RNF17: variants seen among roughly 807,000 people sequenced by gnomAD.
The protein encoded by RNF17 is ring finger protein 17.
A neutral mutation model predicts 200.5 loss-of-function variants in RNF17; 31 were observed. The observed-to-expected ratio is 0.15, with a 90% CI of 0.12 to 0.21. The LOEUF is 0.21. Among genes scored for constraint, RNF17 ranks in the 10% least tolerant of loss-of-function variants. The probability of loss-of-function intolerance (pLI) is 1.00; values close to 1 mark genes in which losing one functional copy is unlikely to be tolerated. For missense variants in RNF17, 1,628 were observed against 1,905.1 expected (o/e 0.85, Z 2.71); for synonymous variants, 606 against 637.8 (o/e 0.95, Z 0.75).
At chr13:24,830,980 G>T (rs988850159) in intron 17 of RNF17, among the ~76,000 whole-genome samples, 8 of 152,166 alleles carry the variant, frequency 5.3e-5, no homozygotes, top group Non-Finnish European at 1.2e-4. Flanking sequence ...AAACCTGGGA[G>T]AATATGTAAA....
chr13:24,885,453 G>A, the RNF17 span: 4 of 1,243,392 alleles, frequency 3.2e-6, no homozygotes, highest in Non-Finnish European at 3.6e-6. Flanking sequence ...TTCTGATATA[G>A]GGTTCTAGGA....
At chr13:24,855,507 A>T (rs1279601037) in intron 25 of RNF17, among the ~76,000 whole-genome samples, 1 of 152,110 alleles carries the variant, frequency 6.6e-6, no homozygotes, top group Admixed American at 6.5e-5. Context: ...ACGAACCTGT[A>T]ATCCCAGCTA....
intron 14 of RNF17, among the ~76,000 whole-genome samples, chr13:24,802,869 A>G (rs1193651629): frequency 1.3e-5 from 2 of 152,114 alleles, no homozygotes; most frequent in African/African-American, 4.8e-5. Flanking sequence ...TGGGCAACAT[A>G]GCTAGACCTC....
downstream of RNF17, chr13:24,883,349 T>C (rs1233891024): frequency 6.2e-7 from 1 of 1,609,906 alleles, no homozygotes; most frequent in East Asian, 2.2e-5. Context: ...ATTATTAAAC[T>C]CTATGAGTTT....
In RNF17 at chr13:24,780,323, A is replaced by G. The variant is rs74962364; in HGVS notation, c.510+576A>G. Among the ~76,000 whole-genome samples the G allele has an allele frequency of 2.3e-3, 348 of 152,298 alleles. 1 individual carries two copies. The highest frequency in any genetic ancestry group is 6.8e-3 in the Middle Eastern group (2 of 294). On this transcript the variant is annotated intron_variant, in intron 5 of 35. Transcript: ENST00000255324. The stretch of plus-strand genomic sequence containing the variant: ...AAGAGTTATGAGAGAAAAAAACAAC[A>G]TTGAGAGAAAAGGGGAAAAAATAAT...
At chr13:24,886,039 A>G in the RNF17 span, 1 of 368,796 alleles carries the variant, frequency 2.7e-6, no homozygotes, top group Non-Finnish European at 5.2e-6. Flanking sequence ...TAAAACATAA[A>G]TGCCCTTGTG....
intron 25 of RNF17, among the ~76,000 whole-genome samples, chr13:24,854,682 T>A (rs1371166177): frequency 6.6e-6 from 1 of 152,172 alleles, no homozygotes; most frequent in African/African-American, 2.4e-5. Flanking sequence ...TTACTCAAAG[T>A]GGGAAATCTA....
intron 9 of RNF17, among the ~76,000 whole-genome samples, 195 bp downstream of exon 9, chr13:24,789,967 G>A (rs1883640035): frequency 1.3e-5 from 2 of 152,054 alleles, no homozygotes; most frequent in South Asian, 2.1e-4. Context: ...TATACATGTC[G>A]AAGTTATCTT....
In RNF17 at chr13:24,853,913, G is replaced by A; in HGVS notation, c.3379G>A (p.Glu1127Lys). 6.2e-7 allele frequency: 1 copy of A among 1,613,750 alleles called. No homozygotes were observed. The highest frequency in any genetic ancestry group is 8.5e-7 in the Non-Finnish European group (1 of 1,179,800). ...TGAGAAGTCTCTGGAAGTCCCCCTGGAACAGGAAGATTCAGTAGTTACTAA... is the reference window on the plus strand; with the variant it reads ...TGAGAAGTCTCTGGAAGTCCCCCTGAAACAGGAAGATTCAGTAGTTACTAA... ...LSEKSLEVPL[E>K]QEDSVVTNCI... The change falls in exon 25 of 36, where the codon GAA becomes AAA. Residue 1127 changes from glutamate to lysine, a missense_variant. Glu to Lys is a moderately conservative substitution (Grantham distance 56). Transcript: ENST00000255324.
chr13:24,793,005 C>A (rs370916744), intron 9 of RNF17, 37 bp from the exon 10 acceptor site: 10 of 1,337,482 alleles, frequency 7.5e-6, no homozygotes, highest in Middle Eastern at 1.9e-4. Flanking sequence ...CCATATACCT[C>A]TGTATTCATA....
At chr13:24,778,529 C>A in intron 4 of RNF17, 123 bp downstream of exon 4, 1 of 698,804 alleles carries the variant, frequency 1.4e-6, no homozygotes, top group Non-Finnish European at 2.5e-6. Context: ...CAAGTTAACC[C>A]ACCCTCTTAC....
chr13:24,779,211 G>T (rs948482957), intron 4 of RNF17, among the ~76,000 whole-genome samples: 9 of 151,014 alleles, frequency 6.0e-5, no homozygotes, highest in African/African-American at 1.9e-4. Flanking sequence ...AAAATAAAAA[G>T]AAAAAAAAAT....
intron 15 of RNF17, among the ~76,000 whole-genome samples, chr13:24,811,568 T>C (rs1886623937): frequency 6.6e-6 from 1 of 152,154 alleles, no homozygotes; most frequent in African/African-American, 2.4e-5. Context: ...AGTTTTCAAC[T>C]TCTTTGCCTT....
At position 24,796,295 on chromosome 13, in the gene RNF17, G is replaced by T; in HGVS notation, c.1399G>T (p.Gly467Cys). ...HLDPSDILEL[G>C]ARIFVSSIKN... The stretch of plus-strand genomic sequence containing the variant: ...TGATCCTTCAGACATTTTGGAACTA[G>T]GTAATGAAATATTAGTCCAAGTTAA... The change falls in exon 11 of 36, where the codon GGT becomes TGT. Residue 467 changes from glycine to cysteine, a missense_variant and splice_region_variant. By Grantham distance (159) the Gly-to-Cys change is radical (BLOSUM62 -3). Around this residue, in one of 5 missense-constraint regions of RNF17, gnomAD observed 289 missense variants for 384.9 expected, o/e 0.75. Transcript: ENST00000255324. The T allele has an allele frequency of 6.3e-7, 1 of 1,575,846 alleles. No individual in the cohort carries two copies. Among genetic ancestry groups the T allele is most frequent in the East Asian group, 2.3e-5 (1 of 44,052 alleles).
intron 27 of RNF17, 54 bp downstream of exon 27, chr13:24,861,441 A>T: frequency 8.4e-7 from 1 of 1,196,342 alleles, no homozygotes; most frequent in Non-Finnish European, 1.1e-6. Context: ...GTTTTTATTA[A>T]TAATTTTTTA....
chr13:24,811,439 G>C (rs1490464822), intron 15 of RNF17, among the ~76,000 whole-genome samples: 27 of 152,126 alleles, frequency 1.8e-4, no homozygotes, highest in Admixed American at 1.7e-3. Context: ...CGCATCGGCT[G>C]CTGAGGCTTC....
At chr13:24,846,529 A>G (rs2138171537) in intron 22 of RNF17, among the ~76,000 whole-genome samples, 1 of 152,266 alleles carries the variant, frequency 6.6e-6, no homozygotes, top group South Asian at 2.1e-4. Flanking sequence ...CTACTGGCAG[A>G]TCGTTTGTTA....
At chr13:24,865,259 G>T (rs1158409260) in intron 29 of RNF17, among the ~76,000 whole-genome samples, 1 of 152,190 alleles carries the variant, frequency 6.6e-6, no homozygotes, top group Non-Finnish European at 1.5e-5. Flanking sequence ...ATGCTATTCA[G>T]TGTTGTTTGA....
chr13:24,847,453 C>T (rs1057040263), intron 22 of RNF17, among the ~76,000 whole-genome samples: 2 of 151,444 alleles, frequency 1.3e-5, no homozygotes, highest in African/African-American at 2.4e-5. Flanking sequence ...TCAAGCGATT[C>T]TCCCACCTCA....
Sources: allele counts gnomAD v4.1 joint callset (sites outside exome capture counted in the v4.1 genomes callset), GRCh38; gene constraint gnomAD v4.1.1; regional missense constraint gnomAD v4.1.1; transcripts MANE v1.5; gene names NCBI Gene and HGNC (gene_info 2026-07-23, HGNC 2026-07-21).